The following CLCN3 variants were observed in gnomAD, a reference collection of about 807,000 sequenced individuals.
CLCN3 encodes H(+)/Cl(-) exchange transporter 3.
In CLCN3, 16 loss-of-function variants were observed where a neutral mutation model predicts 83.4. The ratio of observed to expected loss-of-function variants is 0.19; its 90% CI spans 0.13 to 0.29. The LOEUF is 0.29. Ranked by LOEUF, CLCN3 falls within the 10% of genes least tolerant of loss-of-function variation. The pLI is 1.00. For missense variants in CLCN3, 544 were observed against 1,006.0 expected (o/e 0.54, Z 6.21); for synonymous variants, 322 against 346.2 (o/e 0.93, Z 0.78).
At position 169,692,302 on chromosome 4, in the gene CLCN3, C is replaced by T. The variant is rs766201822; in HGVS notation, c.918C>T (p.Asn306=). 20 of 1,597,708 alleles carry T rather than the reference C, an allele frequency of 1.3e-5. No homozygotes were observed. The East Asian group carries it at 1.8e-4, about 14-fold the overall frequency. The change falls in exon 7 of 13, where the codon AAC becomes AAT. Residue 306 remains asparagine, a synonymous_variant. Coordinates refer to ENST00000513761, the MANE Select transcript of CLCN3 (RefSeq NM_001829.4). The part of the protein sequence containing the change: ...FSYLFPKYST[N]EAKKREVLSA... ...ACCTCTTTCCAAAGTATAGCACAAA[C>T]GAAGCTAAAAAAAGGGAGGTAAGTG...
intron 2 of CLCN3, chr4:169,660,504 G>T (rs1731017431): frequency 1.3e-5 from 16 of 1,226,068 alleles, no homozygotes; most frequent in South Asian, 2.7e-5. Flanking sequence ...ATGCGGCTGG[G>T]CGGTCCTCTA....
Position 169,657,466 on chromosome 4 carries a change from A to G in CLCN3, c.160+21378A>G, listed in dbSNP as rs1444510620. Among the ~76,000 whole-genome samples the G allele has an allele frequency of 2.0e-5, 3 of 149,316 alleles. No homozygotes were observed. The East Asian group carries it at 6.0e-4, about 30-fold the overall frequency. On this transcript the variant is annotated intron_variant, in intron 2 of 12. Transcript: ENST00000513761. ...GTATTTTCTATAAGTTGGTAGATTT[A>G]AAGGCAAAAAATTGTTTAAAATTTA...
rs1338340614 is a variant in CLCN3 at position 169,707,137 on chromosome 4, A to C, written c.2020A>C (p.Asn674His). ...DPPLAVLTQD[N>H]MTVDDIENMI... ...TCCCTTAGCTGTCCTGACACAGGAC[A>C]ATATGACAGTGGATGATATAGAAAA... The change falls in exon 11 of 13, where the codon AAT (asparagine) becomes CAT (histidine). Residue 674 changes from asparagine to histidine, a missense_variant. Asn to His is a moderately conservative substitution (Grantham distance 68). Around this residue, in one of 6 missense-constraint regions of CLCN3, gnomAD observed 142 missense variants for 225.0 expected, o/e 0.63. Coordinates refer to ENST00000513761, the MANE Select transcript of CLCN3 (RefSeq NM_001829.4). 3 of 1,614,194 alleles carry C rather than the reference A, an allele frequency of 1.9e-6. No homozygotes were observed. The highest frequency in any genetic ancestry group is 3.3e-5 in the Admixed American group (2 of 60,026).
intron 2 of CLCN3, chr4:169,660,492 G>A (rs1390957803): frequency 1.6e-6 from 2 of 1,269,228 alleles, no homozygotes; most frequent in African/African-American, 1.5e-5. Flanking sequence ...GGTATGTTTT[G>A]CATGCGGCTG....
chr4:169,704,056 T>C lies in CLCN3; in HGVS notation c.1622T>C (p.Val541Ala), dbSNP rs1198836526. 6.2e-7 allele frequency: 1 copy of C among 1,613,966 alleles called. No homozygotes were observed. The highest frequency in any genetic ancestry group is 1.3e-5 in the African/African-American group (1 of 74,912). Residue 541 changes from valine (V) to alanine (A), a missense_variant, in exon 10 of 13, where the codon GTG becomes GCG. Val to Ala is a moderately conservative substitution (Grantham distance 64). Around this residue, in one of 6 missense-constraint regions of CLCN3, gnomAD observed 194 missense variants for 341.4 expected, o/e 0.57. Transcript: ENST00000513761. ...MAIGAIAGRI[V>A]GIAVEQLAYY... Reference sequence around the variant, plus strand: ...ATTGGAGCGATCGCAGGAAGGATTGTGGGGATTGCGGTGGAGCAGCTTGCC... The same window carrying C: ...ATTGGAGCGATCGCAGGAAGGATTGCGGGGATTGCGGTGGAGCAGCTTGCC...
intron 3 of CLCN3, among the ~76,000 whole-genome samples, chr4:169,686,863 ATTACTC>A (rs1732179867): frequency 6.6e-6 from 1 of 152,158 alleles, no homozygotes. Context: ...GATCAAATCT[ATTACTC>A]TTATTAATCT....
chr4:169,653,153 G>A (rs1316977997), intron 2 of CLCN3, among the ~76,000 whole-genome samples: 1 of 152,090 alleles, frequency 6.6e-6, no homozygotes, highest in Non-Finnish European at 1.5e-5. Flanking sequence ...TCCCTACCCT[G>A]ATGTTATGAA....
At chr4:169,642,959 T>G (rs889007020) in intron 2 of CLCN3, 2 of 152,254 alleles carry the variant, frequency 1.3e-5, no homozygotes, top group African/African-American at 4.8e-5. Context: ...TATTTTAGAC[T>G]ATCTTCGAAT....
At chr4:169,627,129 T>C (rs1773254705) in intron 1 of CLCN3, among the ~76,000 whole-genome samples, 1 of 152,164 alleles carries the variant, frequency 6.6e-6, no homozygotes, top group Non-Finnish European at 1.5e-5. Flanking sequence ...GTAAGTTTCT[T>C]AGTGTGACAC....
At chr4:169,644,451 A>G (rs1730514167) in intron 2 of CLCN3, among the ~76,000 whole-genome samples, 1 of 152,024 alleles carries the variant, frequency 6.6e-6, no homozygotes, top group African/African-American at 2.4e-5. Flanking sequence ...AGAGATGGCC[A>G]GGCTAGTCTT....
intron 4 of CLCN3, 127 bp downstream of exon 4, chr4:169,687,884 A>C: frequency 1.9e-6 from 1 of 533,122 alleles, no homozygotes; most frequent in South Asian, 2.9e-5. Context: ...TTCTTCAAAA[A>C]ATCTCCTTAA....
intron 2 of CLCN3, among the ~76,000 whole-genome samples, chr4:169,643,482 G>A (rs1397763806): frequency 2.0e-5 from 3 of 152,080 alleles, no homozygotes; most frequent in Middle Eastern, 3.4e-3. Context: ...CACCCGCCTC[G>A]GCCTCCCAAA....
chr4:169,706,803 A>G (rs1428238424), intron 10 of CLCN3, 65 bp from the exon 11 acceptor site: 2 of 1,437,158 alleles, frequency 1.4e-6, no homozygotes, highest in Admixed American at 4.3e-5. Context: ...TAGTGCAAAA[A>G]TTCTAATAAA....
At chr4:169,628,781 A>G (rs931647541) in intron 1 of CLCN3, among the ~76,000 whole-genome samples, 1 of 152,246 alleles carries the variant, frequency 6.6e-6, no homozygotes, top group Admixed American at 6.5e-5. Flanking sequence ...GTATGACCCA[A>G]CTATTGTACT....
intron 12 of CLCN3, among the ~76,000 whole-genome samples, chr4:169,714,517 G>C (rs1166643080): frequency 6.6e-6 from 1 of 152,126 alleles, no homozygotes; most frequent in African/African-American, 2.4e-5. Flanking sequence ...AAGTCATGTG[G>C]TGAACAAGTC....
chr4:169,702,854 G>A (rs537017597), intron 9 of CLCN3: 9 of 256,810 alleles, frequency 3.5e-5, no homozygotes, highest in East Asian at 1.0e-4. Flanking sequence ...AGGCTGAGTC[G>A]GCAGGATCAC....
intron 7 of CLCN3, among the ~76,000 whole-genome samples, chr4:169,693,505 A>G (rs1732448656): frequency 6.6e-6 from 1 of 152,238 alleles, no homozygotes; most frequent in South Asian, 2.1e-4. Flanking sequence ...CCGAGACTAC[A>G]TACCTAGTAA....
At chr4:169,693,996 G>T (rs779328000) in intron 7 of CLCN3, among the ~76,000 whole-genome samples, 4 of 151,996 alleles carry the variant, frequency 2.6e-5, no homozygotes, top group Non-Finnish European at 4.4e-5. Context: ...CGTATGAAAT[G>T]GATTAAAACA....
At chr4:169,686,087 A>G (rs546842838) in intron 3 of CLCN3, among the ~76,000 whole-genome samples, 68 of 152,236 alleles carry the variant, frequency 4.5e-4, no homozygotes, top group African/African-American at 1.1e-3. Flanking sequence ...AAAACCAAAC[A>G]TCGCATGTTC....
Sources: allele counts gnomAD v4.1 joint callset (sites outside exome capture counted in the v4.1 genomes callset), GRCh38; gene constraint gnomAD v4.1.1; regional missense constraint gnomAD v4.1.1; transcripts MANE v1.5; gene names NCBI Gene and HGNC (gene_info 2026-07-23, HGNC 2026-07-21).